The following RAPGEF6 variants were observed in gnomAD, a reference collection of about 807,000 sequenced individuals.
RAPGEF6 encodes the protein Rap guanine nucleotide exchange factor 6.
A neutral mutation model predicts 171.4 loss-of-function variants in RAPGEF6; 56 were observed. The observed-to-expected ratio is 0.33, with a 90% CI of 0.26 to 0.41. RAPGEF6 has a LOEUF of 0.41. Among genes scored for constraint, RAPGEF6 ranks in the 10% least tolerant of loss-of-function variants. RAPGEF6 has a pLI of 1.00. For synonymous variants in RAPGEF6, 692 were observed against 650.1 expected (o/e 1.06, Z -0.98); for missense variants, 1,674 against 1,921.4 (o/e 0.87, Z 2.41).
chr5:131,584,144 C>T (rs1763116437), intron 4 of RAPGEF6, among the ~76,000 whole-genome samples: 1 of 152,082 alleles, frequency 6.6e-6, no homozygotes, highest in African/African-American at 2.4e-5. Flanking sequence ...TTATATATGC[C>T]AAAGCTTATC....
intron 9 of RAPGEF6, among the ~76,000 whole-genome samples, chr5:131,506,024 A>G (rs1040370976): frequency 1.3e-5 from 2 of 152,264 alleles, no homozygotes; most frequent in Non-Finnish European, 2.9e-5. Context: ...ATTATTTCAG[A>G]AAGACTAGTT....
intron 15 of RAPGEF6, among the ~76,000 whole-genome samples, chr5:131,480,610 C>T (rs1392805053): frequency 6.6e-6 from 1 of 152,154 alleles, no homozygotes; most frequent in Non-Finnish European, 1.5e-5. Context: ...TCCAGAGTAG[C>T]TAGGATTACA....
intron 17 of RAPGEF6, among the ~76,000 whole-genome samples, chr5:131,469,618 CAT>C (rs1211427113): frequency 5.9e-5 from 9 of 151,962 alleles, no homozygotes; most frequent in Non-Finnish European, 8.8e-5. Flanking sequence ...AACTTAAAAA[CAT>C]ATATATATTC....
At chr5:131,520,567 T>C (rs1758412422) in intron 7 of RAPGEF6, among the ~76,000 whole-genome samples, 2 of 152,192 alleles carry the variant, frequency 1.3e-5, no homozygotes, top group South Asian at 4.1e-4. Flanking sequence ...AAATAGGTAA[T>C]ATATTTGAAT....
intron 19 of RAPGEF6, among the ~76,000 whole-genome samples, chr5:131,460,812 T>C (rs980549494): frequency 6.6e-6 from 1 of 152,170 alleles, no homozygotes; most frequent in African/African-American, 2.4e-5. Context: ...GGGTCATGAA[T>C]AAAGAGTCCC....
chr5:131,485,588 T>C (rs747846930), intron 15 of RAPGEF6, among the ~76,000 whole-genome samples: 7 of 152,268 alleles, frequency 4.6e-5, no homozygotes, highest in Admixed American at 1.3e-4. Context: ...TTGCCTTGAG[T>C]CCAACCTAGG....
At chr5:131,576,091 G>C (rs1447358187) in intron 4 of RAPGEF6, among the ~76,000 whole-genome samples, 1 of 152,052 alleles carries the variant, frequency 6.6e-6, no homozygotes, top group East Asian at 1.9e-4. Flanking sequence ...CTTCAACCCG[G>C]CCTCTCACCT....
chr5:131,535,561 A>G (rs1039597345), intron 6 of RAPGEF6, among the ~76,000 whole-genome samples: 12 of 152,182 alleles, frequency 7.9e-5, no homozygotes, highest in Admixed American at 5.2e-4. Flanking sequence ...TCCCCTGCAT[A>G]TGAAATGCCA....
In RAPGEF6 at chr5:131,635,159, C is replaced by T; in HGVS notation, c.-129G>A. 2.1e-6 allele frequency: 2 copies of T among 962,748 alleles called. No homozygotes were observed. The highest frequency in any genetic ancestry group is 3.0e-6 in the Non-Finnish European group (2 of 669,488). 59.6% of individuals were successfully genotyped at this position (962,748 alleles called of 1,614,324 possible). A position where few individuals can be genotyped will look rare whatever the true frequency, so the allele number is the denominator to read the frequency against. On this transcript the variant is annotated 5_prime_UTR_variant, in exon 1 of 28. Transcript: ENST00000509018. ...ACTTCGCGCCGTAACAAGGTCCGAA[C>T]TCTAGCAAACAACCCTTCGCAACGC...
rs764163456 is a variant in RAPGEF6, at chr5:131,472,533, C to G, written c.2239+54G>C. 2.6e-6 allele frequency: 4 copies of G among 1,563,356 alleles called. No individual in the cohort carries two copies. The East Asian group carries it at 9.0e-5, about 35-fold the overall frequency. On this transcript the variant is annotated intron_variant, in intron 17 of 27. Coordinates refer to ENST00000509018, the MANE Select transcript of RAPGEF6 (RefSeq NM_016340.6). ...CACTTGCTGCACAAGGCTTAACCAT[C>G]TATTTGTTCATTTGGTACCAATACG...
At position 131,426,416 on chromosome 5, in the gene RAPGEF6, C is replaced by T. The variant is rs1198236696; in HGVS notation, c.*850G>A. ...TTTGTTGGATCTATACTTTCAGTTA[C>T]AATTCGATGCAGCATAACTTTCACT... On this transcript the variant is annotated 3_prime_UTR_variant, in exon 28 of 28. Coordinates refer to ENST00000509018, the MANE Select transcript of RAPGEF6 (RefSeq NM_016340.6). 6.6e-6 allele frequency: 1 copy of T among 152,346 alleles called. No individual in the cohort carries two copies. The highest frequency in any genetic ancestry group is 1.5e-5 in the Non-Finnish European group (1 of 68,028). The allele number at this position is 152,346 out of a possible 1,614,324, so 9.4% of individuals were successfully genotyped here.
chr5:131,442,518 C>T lies in RAPGEF6; in HGVS notation c.3441G>A (p.Glu1147=). Residue 1147 remains glutamate, a synonymous_variant, in exon 23 of 28, where the codon GAG becomes GAA. Transcript: ENST00000509018. ...TTTCAGATGATTTGGCTGATCTTTT[C>T]TCACTTAAATTCTTGGTCACTAACA... The part of the protein sequence containing the change: ...AYGTLTKNLS[E]KRSAKSSEMS... 1 of 1,613,988 alleles carries T rather than the reference C, an allele frequency of 6.2e-7. No individual in the cohort carries two copies. Among genetic ancestry groups the T allele is most frequent in the East Asian group, 2.2e-5 (1 of 44,872 alleles).
At chr5:131,579,505 C>T (rs1454867721) in intron 4 of RAPGEF6, among the ~76,000 whole-genome samples, 2 of 152,176 alleles carry the variant, frequency 1.3e-5, no homozygotes, top group Admixed American at 6.5e-5. Context: ...CTGATTGGTG[C>T]GTTTACAATC....
chr5:131,469,774 G>C, intron 17 of RAPGEF6: 1 of 1,461,664 alleles, frequency 6.8e-7, no homozygotes, highest in East Asian at 2.5e-5. Context: ...AAGGGCAATA[G>C]AATACTACAG....
intron 9 of RAPGEF6, among the ~76,000 whole-genome samples, chr5:131,507,220 T>C (rs963403226): frequency 4.7e-5 from 7 of 148,310 alleles, no homozygotes; most frequent in Admixed American, 2.0e-4. Context: ...TATAACTTAC[T>C]TATAGATTAT....
intron 19 of RAPGEF6, among the ~76,000 whole-genome samples, chr5:131,459,090 C>T (rs1417430713): frequency 6.6e-6 from 1 of 152,092 alleles, no homozygotes; most frequent in Non-Finnish European, 1.5e-5. Context: ...ACCTTAAAAC[C>T]TATTTTACCA....
intron 7 of RAPGEF6, among the ~76,000 whole-genome samples, chr5:131,513,130 A>G (rs754719368): frequency 1.3e-4 from 20 of 152,242 alleles, no homozygotes; most frequent in Non-Finnish European, 2.8e-4. Flanking sequence ...AATAATACAT[A>G]GAACCACAAA....
At chr5:131,485,484 A>T (rs944866724) in intron 15 of RAPGEF6, among the ~76,000 whole-genome samples, 3 of 152,156 alleles carry the variant, frequency 2.0e-5, no homozygotes, top group African/African-American at 7.2e-5. Context: ...CCACAGGACA[A>T]CTGCTATTAG....
chr5:131,472,830 A>G, intron 16 of RAPGEF6, 86 bp from the exon 17 acceptor site: 4 of 1,163,602 alleles, frequency 3.4e-6, no homozygotes, highest in Non-Finnish European at 4.9e-6. Context: ...CTAAGGCATA[A>G]AAGAACCAAT....
Sources: gnomAD v4.1 joint callset for allele counts (sites outside exome capture counted in the v4.1 genomes callset) on GRCh38, gnomAD v4.1.1 for gene constraint, MANE v1.5 for transcripts, NCBI Gene and HGNC (gene_info 2026-07-23, HGNC 2026-07-21) for gene names.